Variants in PRDM11 observed in about 807,000 individuals in gnomAD.
PRDM11 encodes the protein PR domain-containing protein 11.
A neutral mutation model predicts 97.8 loss-of-function variants in PRDM11; 20 were observed. That is an observed-to-expected ratio of 0.20 (90% confidence interval 0.14 to 0.30). The LOEUF (loss-of-function observed/expected upper bound fraction) is 0.30. Among genes scored for constraint, PRDM11 ranks in the 10% least tolerant of loss-of-function variants. The pLI is 1.00. For missense variants in PRDM11, 1,139 were observed against 1,555.2 expected (o/e 0.73, Z 4.50); for synonymous variants, 599 against 637.7 (o/e 0.94, Z 0.91).
At chr11:45,105,463 G>A (rs1852045150) in intron 1 of PRDM11, among the ~76,000 whole-genome samples, 1 of 152,238 alleles carries the variant, frequency 6.6e-6, no homozygotes, top group Non-Finnish European at 1.5e-5. Flanking sequence ...GGGACTGGAA[G>A]CCAGACCTCT....
At chr11:45,218,759 C>T (rs574855100) in intron 5 of PRDM11, among the ~76,000 whole-genome samples, 25 of 152,268 alleles carry the variant, frequency 1.6e-4, no homozygotes, top group African/African-American at 4.6e-4. Flanking sequence ...TGAGAATGGG[C>T]GAGGGCCATA....
intron 1 of PRDM11, among the ~76,000 whole-genome samples, chr11:45,155,796 A>C (rs1851779216): frequency 6.6e-6 from 1 of 151,854 alleles, no homozygotes; most frequent in African/African-American, 2.4e-5. Context: ...CCAGAAGAGC[A>C]AGCAGAAAAG....
rs1854040194 is a variant in PRDM11 at position 45,219,201 on chromosome 11, G to T, written c.555-369G>T. 6.6e-6 allele frequency among the ~76,000 whole-genome samples: 1 copy of T among 152,222 alleles called. No homozygotes were observed. Among genetic ancestry groups the T allele is most frequent in the African/African-American group, 2.4e-5 (1 of 41,456 alleles). ...GGCCTGTGGGTATCTGGGAACCCCA[G>T]TGGTTAAAAGTTAGTGAAGAGTAGA... is the stretch of plus-strand genomic sequence containing the variant. On this transcript the variant is annotated intron_variant, in intron 5 of 7. Coordinates refer to ENST00000683152, the MANE Select transcript of PRDM11 (RefSeq NM_001384648.1). This position sits in a 1 kb window ranked among gnomAD's most constrained non-coding sequence, Gnocchi z 4.2.
chr11:45,197,448 G>A (rs1590432769), intron 4 of PRDM11, among the ~76,000 whole-genome samples: 1 of 152,210 alleles, frequency 6.6e-6, no homozygotes, highest in East Asian at 1.9e-4. Flanking sequence ...ATAGTTTACT[G>A]TATTGCATGC....
chr11:45,153,584 A>AG (rs1224724385), intron 1 of PRDM11, among the ~76,000 whole-genome samples: 1 of 152,254 alleles, frequency 6.6e-6, no homozygotes, highest in Non-Finnish European at 1.5e-5. Context: ...ATGGGACAGC[A>AG]GTGCCTGAAT....
chr11:45,105,488 G>A (rs972120931), intron 1 of PRDM11, among the ~76,000 whole-genome samples: 3 of 152,214 alleles, frequency 2.0e-5, no homozygotes, highest in African/African-American at 4.8e-5. Flanking sequence ...ACCAGGCCTC[G>A]AGGGGAACCA....
chr11:45,130,395 G>C (rs1344208775), intron 1 of PRDM11, among the ~76,000 whole-genome samples: 1 of 152,046 alleles, frequency 6.6e-6, no homozygotes, highest in Admixed American at 6.6e-5. Flanking sequence ...TAAACTTTGG[G>C]CATAAAACTT....
intron 5 of PRDM11, among the ~76,000 whole-genome samples, chr11:45,211,547 C>T (rs557866149): frequency 3.9e-5 from 6 of 152,278 alleles, no homozygotes; most frequent in Admixed American, 6.5e-5. Context: ...GATGGGAGCA[C>T]GATGTGACTG....
intron 1 of PRDM11, among the ~76,000 whole-genome samples, chr11:45,174,925 A>G (rs1420234332): frequency 6.6e-6 from 1 of 152,200 alleles, no homozygotes; most frequent in Non-Finnish European, 1.5e-5. Flanking sequence ...GGGAAATTAA[A>G]AGTGTTTTAA....
chr11:45,173,483 G>A (rs1197002572), intron 1 of PRDM11, among the ~76,000 whole-genome samples: 5 of 151,996 alleles, frequency 3.3e-5, no homozygotes, highest in Non-Finnish European at 7.4e-5. Flanking sequence ...TTAGCTGGGC[G>A]TGGTGGCGCA....
chr11:45,116,001 A>G (rs1258447348), intron 1 of PRDM11, among the ~76,000 whole-genome samples: 1 of 152,188 alleles, frequency 6.6e-6, no homozygotes, highest in East Asian at 1.9e-4. Context: ...ACATGTTTTA[A>G]AACAATCAGT....
chr11:45,168,226 C>T (rs1226931230), intron 1 of PRDM11, among the ~76,000 whole-genome samples: 1 of 152,168 alleles, frequency 6.6e-6, no homozygotes, highest in Non-Finnish European at 1.5e-5. Context: ...GGGGCAGGAG[C>T]TGTGGGCCGT....
chr11:45,188,381 G>A (rs1852786278), intron 4 of PRDM11, among the ~76,000 whole-genome samples: 1 of 152,172 alleles, frequency 6.6e-6, no homozygotes, highest in Non-Finnish European at 1.5e-5. Flanking sequence ...CACTGAGCTG[G>A]GGTTCAAACC....
intron 1 of PRDM11, among the ~76,000 whole-genome samples, chr11:45,154,958 C>T (rs1851755113): frequency 6.6e-6 from 1 of 152,190 alleles, no homozygotes; most frequent in African/African-American, 2.4e-5. Context: ...AGCCTCTGTA[C>T]CCTGCTTCCC....
chr11:45,203,808 T>C (rs1251258757), intron 4 of PRDM11, among the ~76,000 whole-genome samples: 1 of 152,038 alleles, frequency 6.6e-6, no homozygotes, highest in African/African-American at 2.4e-5. Context: ...CATACGTGTT[T>C]AACAGAAATT....
At chr11:45,106,659 C>T (rs773729247) in intron 1 of PRDM11, among the ~76,000 whole-genome samples, 13 of 152,290 alleles carry the variant, frequency 8.5e-5, no homozygotes, top group Middle Eastern at 3.4e-3. Flanking sequence ...GGCATCCTCA[C>T]GTGCAGGTCT....
At chr11:45,191,067 ATTG>A (rs1852896077) in intron 4 of PRDM11, among the ~76,000 whole-genome samples, 1 of 152,178 alleles carries the variant, frequency 6.6e-6, no homozygotes, top group African/African-American at 2.4e-5. Context: ...GGTATCACAC[ATTG>A]CATTTAGTTG....
At chr11:45,173,469 A>G (rs1852251346) in intron 1 of PRDM11, among the ~76,000 whole-genome samples, 1 of 151,992 alleles carries the variant, frequency 6.6e-6, no homozygotes, top group African/African-American at 2.4e-5. Flanking sequence ...TAAAAATCCA[A>G]AAATTAGCTG....
intron 4 of PRDM11, 120 bp from the exon 5 acceptor site, chr11:45,204,591 T>G: frequency 1.1e-6 from 1 of 882,566 alleles, no homozygotes; most frequent in Non-Finnish European, 1.9e-6. Context: ...AGTGGTGACA[T>G]TTCAGGGGGA....
Sources: allele counts gnomAD v4.1 joint callset (sites outside exome capture counted in the v4.1 genomes callset), GRCh38; gene constraint gnomAD v4.1.1; non-coding constraint Gnocchi (gnomAD v3.1); transcripts MANE v1.5; gene names NCBI Gene and HGNC (gene_info 2026-07-23, HGNC 2026-07-21).